CCDC178: variants seen among roughly 807,000 people sequenced by gnomAD.
CCDC178 encodes coiled-coil domain-containing protein 178.
Under a neutral mutation model 117.4 loss-of-function variants are expected in CCDC178, and 126 were observed. The ratio of observed to expected loss-of-function variants is 1.07; its 90% CI spans 0.93 to 1.24. The LOEUF is 1.24. CCDC178 is among the 50% of genes most tolerant of loss of function. The probability of loss-of-function intolerance (pLI) is 0.00; values close to 1 mark genes in which losing one functional copy is unlikely to be tolerated. For missense variants in CCDC178, 1,030 were observed against 986.9 expected, an observed-to-expected ratio of 1.04 and a Z score of -0.59; for synonymous variants, 283 against 313.4, an observed-to-expected ratio of 0.90 and a Z score of 1.02.
chr18:33,163,347 A>G (rs957375819), intron 20 of CCDC178, among the ~76,000 whole-genome samples: 2 of 152,198 alleles, frequency 1.3e-5, no homozygotes, highest in Non-Finnish European at 2.9e-5. Flanking sequence ...GCCAGGGCAC[A>G]TGTGATTTGT....
At chr18:33,278,988 A>G (rs1456464615) in intron 12 of CCDC178, among the ~76,000 whole-genome samples, 2 of 152,154 alleles carry the variant, frequency 1.3e-5, no homozygotes, top group African/African-American at 4.8e-5. Flanking sequence ...ACAAACCCAC[A>G]GCCAATATCA....
intron 6 of CCDC178, among the ~76,000 whole-genome samples, chr18:33,360,977 A>T (rs2144727880): frequency 6.6e-6 from 1 of 151,828 alleles, no homozygotes; most frequent in Non-Finnish European, 1.5e-5. Flanking sequence ...ATTTTCACAG[A>T]AATAGAAAAA....
chr18:32,970,722 C>A (rs2054907284), intron 22 of CCDC178, among the ~76,000 whole-genome samples: 1 of 151,982 alleles, frequency 6.6e-6, no homozygotes, highest in African/African-American at 2.4e-5. Flanking sequence ...AGTAGCCTTG[C>A]TACAATACAC....
At chr18:33,131,602 A>C (rs1286278383) in intron 20 of CCDC178, among the ~76,000 whole-genome samples, 1 of 151,744 alleles carries the variant, frequency 6.6e-6, no homozygotes, top group African/African-American at 2.4e-5. Flanking sequence ...ATACTTACCC[A>C]CCAACATTAT....
chr18:33,428,217 G>T (rs1346617216), intron 2 of CCDC178, among the ~76,000 whole-genome samples: 1 of 152,110 alleles, frequency 6.6e-6, no homozygotes, highest in East Asian at 1.9e-4. Flanking sequence ...AGAAAATAAT[G>T]AGACAACTCC....
intron 3 of CCDC178, among the ~76,000 whole-genome samples, chr18:33,410,664 A>G (rs990314570): frequency 6.6e-6 from 1 of 152,138 alleles, no homozygotes; most frequent in South Asian, 2.1e-4. Context: ...GTTGATTGCA[A>G]TAATAACCCC....
intron 21 of CCDC178, among the ~76,000 whole-genome samples, chr18:33,071,882 C>A (rs271514): frequency 1.3e-5 from 2 of 151,876 alleles, no homozygotes; most frequent in East Asian, 1.9e-4. Context: ...TAGGTAATTA[C>A]AAATATTAGT....
At chr18:33,392,416 T>A (rs1020980759) in intron 4 of CCDC178, among the ~76,000 whole-genome samples, 5 of 152,170 alleles carry the variant, frequency 3.3e-5, no homozygotes, top group Non-Finnish European at 7.3e-5. Context: ...TACTCTAATC[T>A]TCAAACGGAT....
At chr18:33,144,358 T>C (rs1347567021) in intron 20 of CCDC178, among the ~76,000 whole-genome samples, 1 of 152,130 alleles carries the variant, frequency 6.6e-6, no homozygotes, top group African/African-American at 2.4e-5. Flanking sequence ...CTAGGATTTA[T>C]TCTTCAATGG....
chr18:33,348,887 T>TATAA lies in CCDC178; in HGVS notation c.457+2_457+3insTTAT. On this transcript the variant is annotated splice_region_variant and intron_variant, in intron 8 of 22. Transcript: ENST00000383096. ...GTTATTCAAGTAGGAGGAACAACTT[T>TATAA]ACCTCTCTTTTCTCCTGGTTTGACC... The TATAA allele has an allele frequency of 6.3e-7, 1 of 1,595,928 alleles. No individual in the cohort carries two copies. Among genetic ancestry groups the TATAA allele is most frequent in the Non-Finnish European group, 8.6e-7 (1 of 1,165,054 alleles).
chr18:33,270,861 T>G (rs2059879367), intron 12 of CCDC178, among the ~76,000 whole-genome samples: 1 of 151,568 alleles, frequency 6.6e-6, no homozygotes, highest in South Asian at 2.1e-4. Flanking sequence ...GTAACTCTTC[T>G]TCATTGCCTA....
chr18:33,389,373 T>A (rs544141932), intron 5 of CCDC178, among the ~76,000 whole-genome samples, 167 bp downstream of exon 5: 2 of 151,828 alleles, frequency 1.3e-5, no homozygotes. Context: ...ATACTATTGA[T>A]ACAATATACT....
At chr18:33,162,677 C>T (rs958380685) in intron 20 of CCDC178, among the ~76,000 whole-genome samples, 16 of 152,094 alleles carry the variant, frequency 1.1e-4, no homozygotes, top group Admixed American at 7.2e-4. Context: ...AGTGAGAACA[C>T]GAGGTATTTA....
chr18:33,096,122 C>CG (rs918948208), intron 20 of CCDC178, among the ~76,000 whole-genome samples: 2 of 150,746 alleles, frequency 1.3e-5, no homozygotes, highest in Non-Finnish European at 3.0e-5. Flanking sequence ...CCCCACCCCC[C>CG]CCACTTGACT....
At position 32,990,687 on chromosome 18, in the gene CCDC178, T is replaced by A. The variant is rs2055369437; in HGVS notation, c.2389-16006A>T. Among the ~76,000 whole-genome samples the A allele has an allele frequency of 2.0e-5, 3 of 152,108 alleles. No homozygotes were observed. The South Asian group carries it at 6.2e-4, about 31-fold the overall frequency. Reference sequence around the variant, plus strand: ...CATACAGAAAAAGATTTTTGAATTGTATTTCATCAAAACTTTGTTCATCCA... The same window carrying A: ...CATACAGAAAAAGATTTTTGAATTGAATTTCATCAAAACTTTGTTCATCCA... On this transcript the variant is annotated intron_variant, in intron 21 of 22. Transcript: ENST00000383096.
intron 21 of CCDC178, among the ~76,000 whole-genome samples, chr18:33,022,171 T>C (rs1179516304): frequency 6.6e-6 from 1 of 152,186 alleles, no homozygotes; most frequent in Non-Finnish European, 1.5e-5. Flanking sequence ...TCATTTGCCC[T>C]TTGCTCTCAA....
At chr18:33,251,911 T>C (rs1235734095) in intron 14 of CCDC178, among the ~76,000 whole-genome samples, 3 of 151,860 alleles carry the variant, frequency 2.0e-5, no homozygotes, top group Admixed American at 1.3e-4. Flanking sequence ...GCTTTTCAAG[T>C]CATAAAAACA....
At chr18:33,117,837 G>C (rs1169400036) in intron 20 of CCDC178, among the ~76,000 whole-genome samples, 1 of 152,002 alleles carries the variant, frequency 6.6e-6, no homozygotes, top group South Asian at 2.1e-4. Flanking sequence ...CATTCTTGAA[G>C]AGTGATGTCT....
chr18:33,248,944 T>A (rs2059583808), intron 14 of CCDC178, among the ~76,000 whole-genome samples: 1 of 152,124 alleles, frequency 6.6e-6, no homozygotes, highest in Admixed American at 6.6e-5. Flanking sequence ...TCTTGACTTT[T>A]TAATGATCGC....
Sources: gnomAD v4.1 joint callset for allele counts (sites outside exome capture counted in the v4.1 genomes callset) on GRCh38, gnomAD v4.1.1 for gene constraint, MANE v1.5 for transcripts, NCBI Gene and HGNC (gene_info 2026-07-23, HGNC 2026-07-21) for gene names.